SV2B: variants seen among roughly 807,000 people sequenced by gnomAD.
SV2B encodes the protein solute carrier family 22 member B2.
In SV2B, 41 loss-of-function variants were observed where a neutral mutation model predicts 73.9. That is an observed-to-expected ratio of 0.56 (90% CI 0.43 to 0.72). The LOEUF (loss-of-function observed/expected upper bound fraction) is 0.72, where lower values mean the gene tolerates loss of function less well. Ranked by LOEUF, SV2B falls within the 30% of genes least tolerant of loss-of-function variation. The pLI is 0.00. For synonymous variants in SV2B, 314 were observed against 314.2 expected (o/e 1.00, Z 0.01); for missense variants, 764 against 857.8 (o/e 0.89, Z 1.37).
Position 91,245,228 on chromosome 15 carries a change from C to G in SV2B, c.452-6591C>G, listed in dbSNP as rs1324715629. Reference sequence around the variant, plus strand: ...GATATTTGGCATTGTGTCTCAAGAGCCACAAACTTGTTGATCTCCTTCGAT... The same window carrying G: ...GATATTTGGCATTGTGTCTCAAGAGGCACAAACTTGTTGATCTCCTTCGAT... On this transcript the variant is annotated intron_variant, in intron 2 of 12. Coordinates refer to ENST00000394232, the MANE Select transcript of SV2B (RefSeq NM_001323032.3). The surrounding 1 kb of genome is among the most constrained non-coding windows in gnomAD (Gnocchi z 4.2). Among the ~76,000 whole-genome samples, 1 of 152,164 alleles carries G rather than the reference C, an allele frequency of 6.6e-6. No homozygotes were observed. Among genetic ancestry groups the G allele is most frequent in the Non-Finnish European group, 1.5e-5 (1 of 68,030 alleles).
intron 1 of SV2B, among the ~76,000 whole-genome samples, chr15:91,142,440 TA>T (rs975462964): frequency 3.3e-5 from 5 of 152,210 alleles, no homozygotes; most frequent in Admixed American, 3.3e-4. Context: ...CCTCCAAGCC[TA>T]AATATTTAAG....
chr15:91,193,180 A>G (rs1010337246), intron 1 of SV2B, among the ~76,000 whole-genome samples: 3 of 152,176 alleles, frequency 2.0e-5, no homozygotes, highest in African/African-American at 7.2e-5. Context: ...TGAGCCTGAG[A>G]TGGCAGCAAG....
At position 91,289,743 on chromosome 15, in the gene SV2B, T is replaced by G; in HGVS notation, c.1868+63T>G. On this transcript the variant is annotated intron_variant, in intron 12 of 12. Transcript: ENST00000394232. This position sits in a 1 kb window ranked among gnomAD's most constrained non-coding sequence, Gnocchi z 4.9. Reference sequence around the variant, plus strand: ...GGGCTTCTTTGGCCAGAAGTCTACCTGCTCCCTAAATCTCATGCTGTGCAT... The same window carrying G: ...GGGCTTCTTTGGCCAGAAGTCTACCGGCTCCCTAAATCTCATGCTGTGCAT... 1 of 1,546,062 alleles carries G rather than the reference T, an allele frequency of 6.5e-7. No individual in the cohort carries two copies. Among genetic ancestry groups the G allele is most frequent in the Non-Finnish European group, 8.8e-7 (1 of 1,139,032 alleles).
chr15:91,282,922 A>G (rs913079997), intron 10 of SV2B, among the ~76,000 whole-genome samples: 3 of 152,234 alleles, frequency 2.0e-5, no homozygotes, highest in Non-Finnish European at 2.9e-5. Context: ...AAGTGTCATT[A>G]GAAACTGGCA....
chr15:91,166,762 A>T (rs1163345615), intron 1 of SV2B, among the ~76,000 whole-genome samples: 2 of 150,660 alleles, frequency 1.3e-5, no homozygotes, highest in Non-Finnish European at 3.0e-5. Flanking sequence ...GGAGTTTATA[A>T]TTTCAGTTAT....
intron 1 of SV2B, among the ~76,000 whole-genome samples, chr15:91,158,806 C>T (rs1174107828): frequency 5.3e-5 from 8 of 150,426 alleles, no homozygotes; most frequent in Non-Finnish European, 1.0e-4. Flanking sequence ...GTTCTTTCCT[C>T]TCTTCCTTCT....
intron 1 of SV2B, among the ~76,000 whole-genome samples, chr15:91,213,629 G>A (rs1333167415): frequency 1.3e-5 from 2 of 151,668 alleles, no homozygotes; most frequent in East Asian, 3.9e-4. Context: ...CCATGTCCCT[G>A]GCAAAGATCA....
chr15:91,121,697 C>A lies in SV2B; in HGVS notation c.-392+21334C>A, dbSNP rs2042340276. ...TTGAACCACATGGGTGCTTATCTTG[C>A]CCAGGGAATTAATTCCTTTACACCA... On this transcript the variant is annotated intron_variant, in intron 1 of 12. Coordinates refer to ENST00000394232, the MANE Select transcript of SV2B (RefSeq NM_001323032.3). The surrounding 1 kb of genome is among the most constrained non-coding windows in gnomAD (Gnocchi z 4.4). Among the ~76,000 whole-genome samples, 2 of 152,106 alleles carry A rather than the reference C, an allele frequency of 1.3e-5. No individual in the cohort carries two copies. Among genetic ancestry groups the A allele is most frequent in the South Asian group, 4.2e-4 (2 of 4,816 alleles).
Position 91,294,700 on chromosome 15 carries a change from G to C in SV2B, c.*2148G>C, listed in dbSNP as rs2141826258. On this transcript the variant is annotated 3_prime_UTR_variant, in exon 13 of 13. Coordinates refer to ENST00000394232, the MANE Select transcript of SV2B (RefSeq NM_001323032.3). The surrounding 1 kb of genome is among the most constrained non-coding windows in gnomAD (Gnocchi z 4.1). ...ACTTAAAAAACTTGCAGGACAGTTAGAGCCTGCATTTCTAGTTAAGATGGA... is the reference window on the plus strand; with the variant it reads ...ACTTAAAAAACTTGCAGGACAGTTACAGCCTGCATTTCTAGTTAAGATGGA... The C allele has an allele frequency of 6.6e-6, 1 of 152,312 alleles. No homozygotes were observed. The allele number at this position is 152,312 out of a possible 1,614,324, so 9.4% of individuals were successfully genotyped here.
chr15:91,195,179 A>T (rs1368312488), intron 1 of SV2B, among the ~76,000 whole-genome samples: 2 of 151,346 alleles, frequency 1.3e-5, no homozygotes, highest in Non-Finnish European at 2.9e-5. Flanking sequence ...TTTTTTTGAG[A>T]TGGGGTCCCC....
intron 1 of SV2B, among the ~76,000 whole-genome samples, chr15:91,117,754 T>C (rs2151738989): frequency 6.6e-6 from 1 of 152,364 alleles, no homozygotes; most frequent in Middle Eastern, 3.4e-3. Context: ...GAAAGTATAC[T>C]CTTCTCACAG....
intron 1 of SV2B, among the ~76,000 whole-genome samples, chr15:91,144,328 A>G (rs2043084063): frequency 6.6e-6 from 1 of 152,172 alleles, no homozygotes; most frequent in South Asian, 2.1e-4. Flanking sequence ...AGAAAACTCA[A>G]GGGATTTAGT....
rs890298545 is a variant in SV2B, at chr15:91,229,001, G to T, written c.451+2287G>T. On this transcript the variant is annotated intron_variant, in intron 2 of 12. Transcript: ENST00000394232. The surrounding 1 kb of genome is among the most constrained non-coding windows in gnomAD (Gnocchi z 4.3). ...ATCTAAGGTCACATAGCTCGTAAGT[G>T]TTGAGCAGGGGTTTGACCGAAGGTC... 2.0e-5 allele frequency among the ~76,000 whole-genome samples: 3 copies of T among 152,248 alleles called. No individual in the cohort carries two copies. The highest frequency in any genetic ancestry group is 2.0e-4 in the Admixed American group (3 of 15,286).
rs2048789479 is a variant in SV2B at position 91,284,333 on chromosome 15, C to T, written c.1708+112C>T. On this transcript the variant is annotated intron_variant, in intron 11 of 12. Coordinates refer to ENST00000394232, the MANE Select transcript of SV2B (RefSeq NM_001323032.3). This position sits in a 1 kb window ranked among gnomAD's most constrained non-coding sequence, Gnocchi z 4.5. ...ATTAAATAATTCTTGCACAACAAAC[C>T]CAACAAGTAAGATTGCACCCAGGGC... 2 of 1,214,638 alleles carry T rather than the reference C, an allele frequency of 1.6e-6. No homozygotes were observed. The highest frequency in any genetic ancestry group is 4.3e-5 in the Admixed American group (2 of 46,552). 75.2% of individuals were successfully genotyped at this position (1,214,638 alleles called of 1,614,324 possible).
At chr15:91,243,418 G>A (rs16945432) in intron 2 of SV2B, among the ~76,000 whole-genome samples, 1,948 of 152,316 alleles carry the variant, frequency 0.013, 38 homozygotes, top group African/African-American at 0.041. Context: ...CAGGGAATCT[G>A]TCTTAATGCC....
intron 1 of SV2B, among the ~76,000 whole-genome samples, chr15:91,126,992 G>A (rs951593013): frequency 6.6e-6 from 1 of 152,218 alleles, no homozygotes; most frequent in African/African-American, 2.4e-5. Flanking sequence ...AGGACACATA[G>A]CATGGGCTTT....
chr15:91,147,507 G>A (rs748581983), intron 1 of SV2B, among the ~76,000 whole-genome samples: 47 of 152,276 alleles, frequency 3.1e-4, no homozygotes, highest in Non-Finnish European at 6.3e-4. Flanking sequence ...CTTTGCTTCT[G>A]TGCTCCTTCC....
rs1045856383 is a variant in SV2B at position 91,132,028 on chromosome 15, G to A, written c.-392+31665G>A. On this transcript the variant is annotated intron_variant, in intron 1 of 12. Coordinates refer to ENST00000394232, the MANE Select transcript of SV2B (RefSeq NM_001323032.3). This position sits in a 1 kb window ranked among gnomAD's most constrained non-coding sequence, Gnocchi z 4.6. ...GGTGATGTCACTGGTAGAGGGTCGT[G>A]ACTGCAAGTTATTGAGGTTCTTGGT... 6.6e-6 allele frequency among the ~76,000 whole-genome samples: 1 copy of A among 152,206 alleles called. No individual in the cohort carries two copies. Among genetic ancestry groups the A allele is most frequent in the Non-Finnish European group, 1.5e-5 (1 of 68,034 alleles).
intron 1 of SV2B, among the ~76,000 whole-genome samples, chr15:91,138,160 C>T (rs2042898689): frequency 6.6e-6 from 1 of 152,100 alleles, no homozygotes; most frequent in African/African-American, 2.4e-5. Flanking sequence ...CCAACAATAA[C>T]AAAAACCAAC....
Sources: gnomAD v4.1 joint callset for allele counts (sites outside exome capture counted in the v4.1 genomes callset) on GRCh38, gnomAD v4.1.1 for gene constraint, Gnocchi (gnomAD v3.1) non-coding constraint, MANE v1.5 for transcripts, NCBI Gene and HGNC (gene_info 2026-07-23, HGNC 2026-07-21) for gene names.